Variants in CNOT1 observed in about 807,000 individuals in gnomAD.
CNOT1 encodes CCR4-NOT transcription complex subunit 1.
In CNOT1, 15 loss-of-function variants were observed where a neutral mutation model predicts 273.8. That is an observed-to-expected ratio of 0.05 (90% CI 0.04 to 0.08). The LOEUF (loss-of-function observed/expected upper bound fraction) is 0.08. CNOT1 is among the 10% of genes least tolerant of loss of function. The pLI is 1.00. For missense variants in CNOT1, 1,644 were observed against 2,912.2 expected (o/e 0.56, Z 10.02); for synonymous variants, 1,022 against 1,005.5 (o/e 1.02, Z -0.31).
At chr16:58,540,792 G>C (rs1200721784) in intron 34 of CNOT1, among the ~76,000 whole-genome samples, 1 of 152,180 alleles carries the variant, frequency 6.6e-6, no homozygotes, top group Non-Finnish European at 1.5e-5. Context: ...AAAGGATTCA[G>C]GAGCGATGGG....
intron 13 of CNOT1, among the ~76,000 whole-genome samples, chr16:58,577,889 A>G (rs2041515794): frequency 1.3e-5 from 2 of 152,122 alleles, no homozygotes; most frequent in South Asian, 4.1e-4. Flanking sequence ...ATCAGTGGAC[A>G]AAAGAATACT....
chr16:58,532,649 GT>G, intron 40 of CNOT1: 1 of 478,152 alleles, frequency 2.1e-6, no homozygotes, highest in South Asian at 3.5e-5. Context: ...ATGCCCAATG[GT>G]TCTTCTTCAG....
intron 17 of CNOT1, 27 bp from the exon 18 acceptor site, chr16:58,558,701 T>G (rs2040722224): frequency 6.3e-7 from 1 of 1,599,772 alleles, no homozygotes; most frequent in East Asian, 2.3e-5. Flanking sequence ...TAAAAATGTA[T>G]TAAACATACT....
At chr16:58,568,565 TC>T (rs1248939262) in intron 16 of CNOT1, among the ~76,000 whole-genome samples, 1 of 146,938 alleles carries the variant, frequency 6.8e-6, no homozygotes, top group Admixed American at 6.9e-5. Flanking sequence ...GCTCCTGTAA[TC>T]CCAGCTACTC....
intron 39 of CNOT1, 74 bp downstream of exon 39, chr16:58,536,915 C>T: frequency 6.4e-7 from 1 of 1,568,874 alleles, no homozygotes; most frequent in Non-Finnish European, 8.6e-7. Context: ...GTACGCAATA[C>T]TGAGCTTTAA....
chr16:58,583,858 G>A (rs1335823823), intron 8 of CNOT1, among the ~76,000 whole-genome samples: 1 of 151,198 alleles, frequency 6.6e-6, no homozygotes, highest in Non-Finnish European at 1.5e-5. Flanking sequence ...TTTTAAAACA[G>A]GCAAACAATT....
At chr16:58,582,021 T>C (rs964179908) in intron 10 of CNOT1, among the ~76,000 whole-genome samples, 1 of 151,400 alleles carries the variant, frequency 6.6e-6, no homozygotes, top group African/African-American at 2.4e-5. Flanking sequence ...CAGTGGCTTA[T>C]GCCTGTAATC....
chr16:58,603,408 AGTGTGTGTGTGTGTGT>A (rs200088613), intron 1 of CNOT1, among the ~76,000 whole-genome samples: 1,840 of 96,714 alleles, frequency 0.019, 35 homozygotes, highest in African/African-American at 0.06. Flanking sequence ...ACAATTTAAA[AGTGTGTGTGTGTGTGT>A]GTGTGTGTGT....
At chr16:58,604,107 T>A (rs1307251549) in intron 1 of CNOT1, among the ~76,000 whole-genome samples, 1 of 152,130 alleles carries the variant, frequency 6.6e-6, no homozygotes, top group Non-Finnish European at 1.5e-5. Flanking sequence ...ATACAACAAT[T>A]ACATGAGAAT....
chr16:58,607,524 C>T (rs769495225), intron 1 of CNOT1, among the ~76,000 whole-genome samples: 6 of 151,654 alleles, frequency 4.0e-5, no homozygotes, highest in East Asian at 1.9e-4. Flanking sequence ...GTCAGAAGTT[C>T]GAGACCAGCC....
chr16:58,555,928 A>C lies in CNOT1; in HGVS notation c.2480-20T>G, dbSNP rs1203164846. 2 of 1,608,652 alleles carry C rather than the reference A, an allele frequency of 1.2e-6. No homozygotes were observed. The highest frequency in any genetic ancestry group is 2.7e-5 in the African/African-American group (2 of 74,910). ...AGTCCGCTGTTGGAAACAAAAAAGG[A>C]ATCAGTGGGCATTTAAGCCCTTCCT... On this transcript the variant is annotated intron_variant, in intron 19 of 48. Coordinates refer to ENST00000317147, the MANE Select transcript of CNOT1 (RefSeq NM_016284.5).
chr16:58,594,265 A>C (rs944746668), intron 2 of CNOT1, among the ~76,000 whole-genome samples: 12 of 151,968 alleles, frequency 7.9e-5, no homozygotes, highest in Middle Eastern at 6.8e-3. Context: ...AACAAAAACA[A>C]AAAACAAAAA....
intron 29 of CNOT1, 61 bp from the exon 30 acceptor site, chr16:58,545,552 T>G: frequency 6.2e-7 from 1 of 1,601,870 alleles, no homozygotes; most frequent in East Asian, 2.3e-5. Context: ...ATTATAAAAT[T>G]AGCTTAATAT....
chr16:58,528,108 GC>G, intron 44 of CNOT1: 1 of 459,232 alleles, frequency 2.2e-6, no homozygotes. Context: ...GTAAGACTCT[GC>G]CTCAAAAAAA....
chr16:58,587,534 A>G (rs902542820), intron 4 of CNOT1, 121 bp from the exon 5 acceptor site: 5 of 1,379,172 alleles, frequency 3.6e-6, no homozygotes, highest in Non-Finnish European at 4.9e-6. Context: ...TAGTGTTACT[A>G]GAAACATTAC....
intron 46 of CNOT1, 194 bp from the exon 47 acceptor site, chr16:58,523,696 GATT>G (rs1425842501): frequency 2.0e-5 from 9 of 458,232 alleles, no homozygotes; most frequent in Admixed American, 7.2e-5. Context: ...TTAGAAATTA[GATT>G]TTAAAAATAT....
chr16:58,528,256 G>C, intron 44 of CNOT1: 1 of 595,414 alleles, frequency 1.7e-6, no homozygotes, highest in South Asian at 2.0e-5. Context: ...ATGAAAACTA[G>C]CAACTAGAAA....
intron 10 of CNOT1, among the ~76,000 whole-genome samples, chr16:58,582,025 T>C (rs1042383880): frequency 4.6e-5 from 7 of 151,194 alleles, no homozygotes; most frequent in Non-Finnish European, 1.0e-4. Flanking sequence ...GGCTTATGCC[T>C]GTAATCACAG....
At chr16:58,608,483 G>A (rs1023667686) in intron 1 of CNOT1, among the ~76,000 whole-genome samples, 1 of 151,556 alleles carries the variant, frequency 6.6e-6, no homozygotes, top group Non-Finnish European at 1.5e-5. Flanking sequence ...GAGCCTGGGA[G>A]GCTGAGGCTG....
Sources: allele counts gnomAD v4.1 joint callset (sites outside exome capture counted in the v4.1 genomes callset), GRCh38; gene constraint gnomAD v4.1.1; transcripts MANE v1.5; gene names NCBI Gene and HGNC (gene_info 2026-07-23, HGNC 2026-07-21).